The following HYAL4 variants were observed in gnomAD, a reference collection of about 807,000 sequenced individuals.
The protein encoded by HYAL4 is hyaluronidase-4.
HYAL4 carries 37 observed loss-of-function variants against 35.2 expected under a neutral mutation model. The observed-to-expected ratio is 1.05, with a 90% confidence interval of 0.81 to 1.38. The LOEUF is 1.38. HYAL4 is among the 40% of genes most tolerant of loss of function. HYAL4 has a pLI of 0.00. For synonymous variants in HYAL4, 198 were observed against 203.2 expected, an observed-to-expected ratio of 0.97 and a Z score of 0.22; for missense variants, 572 against 572.4, an observed-to-expected ratio of 1.00 and a Z score of 0.01.
intron 1 of HYAL4, among the ~76,000 whole-genome samples, chr7:123,832,723 G>A (rs1042033177): frequency 2.0e-5 from 3 of 151,562 alleles, no homozygotes; most frequent in African/African-American, 4.8e-5. Flanking sequence ...GGATGGTCTC[G>A]ATCTCCAGAC....
chr7:123,832,791 G>A (rs1805905861), intron 1 of HYAL4, among the ~76,000 whole-genome samples: 1 of 151,896 alleles, frequency 6.6e-6, no homozygotes, highest in Admixed American at 6.6e-5. Context: ...AGCCTTTTGT[G>A]TCATTCTTAT....
chr7:123,775,468 G>A, the HYAL4 span, among the ~76,000 whole-genome samples: 9 of 152,168 alleles, frequency 5.9e-5, no homozygotes, highest in Non-Finnish European at 1.0e-4. Flanking sequence ...AAAGTGCCAT[G>A]AGAGTTCCTA....
the HYAL4 span, among the ~76,000 whole-genome samples, chr7:123,764,882 T>C: frequency 6.6e-6 from 1 of 152,190 alleles, no homozygotes; most frequent in Non-Finnish European, 1.5e-5. Flanking sequence ...ACACTCTTGA[T>C]CCATAACAAT....
the HYAL4 span, among the ~76,000 whole-genome samples, chr7:123,775,907 C>T: frequency 6.6e-6 from 1 of 152,194 alleles, no homozygotes; most frequent in East Asian, 1.9e-4. Flanking sequence ...TAGAGCAGAC[C>T]ACGTGTGTTT....
intron 1 of HYAL4, among the ~76,000 whole-genome samples, chr7:123,839,090 A>G (rs1023864738): frequency 1.4e-4 from 22 of 152,078 alleles, no homozygotes; most frequent in African/African-American, 5.3e-4. Context: ...ACACCCATCA[A>G]CTTATCATTT....
chr7:123,836,023 T>C (rs1805959229), intron 1 of HYAL4, among the ~76,000 whole-genome samples: 1 of 152,200 alleles, frequency 6.6e-6, no homozygotes, highest in South Asian at 2.1e-4. Context: ...GAACATTCCA[T>C]GTGCTGATAA....
the HYAL4 span, among the ~76,000 whole-genome samples, chr7:123,817,874 T>A: frequency 2.0e-5 from 3 of 151,614 alleles, no homozygotes; most frequent in East Asian, 1.9e-4. Flanking sequence ...TATTTAACAT[T>A]TATTTATGTA....
intron 2 of HYAL4, among the ~76,000 whole-genome samples, chr7:123,859,644 T>G (rs1195501104): frequency 6.6e-6 from 1 of 152,160 alleles, no homozygotes. Flanking sequence ...TCAAATAAAA[T>G]TATAAAAATG....
intron 1 of HYAL4, among the ~76,000 whole-genome samples, chr7:123,835,596 G>A (rs886272015): frequency 1.4e-4 from 21 of 151,868 alleles, no homozygotes. Context: ...TCTGATCTTG[G>A]TTATTTCCTT....
intron 1 of HYAL4, among the ~76,000 whole-genome samples, chr7:123,832,476 ATACTTTTTTTTTTTTTTTTTTT>A (rs1805899214): frequency 1.7e-5 from 1 of 58,442 alleles, no homozygotes; most frequent in Non-Finnish European, 3.3e-5. Context: ...CTATTGTGTC[ATACTTTTTTTTTTTTTTTTTTT>A]TTTTTTTTTT....
At chr7:123,803,003 C>T in the HYAL4 span, among the ~76,000 whole-genome samples, 1 of 152,310 alleles carries the variant, frequency 6.6e-6, no homozygotes, top group African/African-American at 2.4e-5. Context: ...ATTCTGTTCC[C>T]TTAGCCTTTC....
At chr7:123,854,758 T>G (rs1295723321) in intron 2 of HYAL4, among the ~76,000 whole-genome samples, 1 of 152,224 alleles carries the variant, frequency 6.6e-6, no homozygotes, top group African/African-American at 2.4e-5. Flanking sequence ...AGAGCTGAGT[T>G]TAAGTCCAGA....
the HYAL4 span, among the ~76,000 whole-genome samples, chr7:123,813,565 A>G: frequency 3.3e-5 from 5 of 152,326 alleles, no homozygotes; most frequent in South Asian, 4.1e-4. Flanking sequence ...CTTGTTTTTT[A>G]TTTCAGCCTA....
chr7:123,790,106 G>A, the HYAL4 span, among the ~76,000 whole-genome samples: 1 of 152,082 alleles, frequency 6.6e-6, no homozygotes, highest in Non-Finnish European at 1.5e-5. Context: ...TTTCTCTTAA[G>A]GCCTTCTACT....
chr7:123,795,415 T>A, the HYAL4 span, among the ~76,000 whole-genome samples: 1 of 152,302 alleles, frequency 6.6e-6, no homozygotes, highest in African/African-American at 2.4e-5. Context: ...TAATATGGTT[T>A]GGCTGTGTCC....
chr7:123,822,809 G>GA, the HYAL4 span, among the ~76,000 whole-genome samples: 1 of 151,998 alleles, frequency 6.6e-6, no homozygotes, highest in Non-Finnish European at 1.5e-5. Flanking sequence ...AGGTAAAAAA[G>GA]AAAAAACTAG....
At chr7:123,779,894 A>G in the HYAL4 span, among the ~76,000 whole-genome samples, 3 of 152,142 alleles carry the variant, frequency 2.0e-5, no homozygotes, top group African/African-American at 7.2e-5. Flanking sequence ...ATCTTAGGGA[A>G]GTTTGCAAAT....
chr7:123,770,482 A>G, the HYAL4 span, among the ~76,000 whole-genome samples: 1 of 150,996 alleles, frequency 6.6e-6, no homozygotes. Context: ...GTTCCAGGGA[A>G]GACCTGGGAG....
intron 2 of HYAL4, among the ~76,000 whole-genome samples, chr7:123,854,159 T>G (rs1001489831): frequency 7.2e-5 from 11 of 152,020 alleles, no homozygotes; most frequent in Non-Finnish European, 1.6e-4. Context: ...TTTGCTAACC[T>G]TTTCAAAGAA....
Sources: gnomAD v4.1 joint callset for allele counts (sites outside exome capture counted in the v4.1 genomes callset) on GRCh38, gnomAD v4.1.1 for gene constraint, MANE v1.5 for transcripts, NCBI Gene and HGNC (gene_info 2026-07-23, HGNC 2026-07-21) for gene names.